Variants in IRAG1 observed in about 807,000 individuals in gnomAD.
IRAG1 encodes the protein IP3R-associated cGMP kinase substrate.
Under a neutral mutation model 106.2 loss-of-function variants are expected in IRAG1, and 62 were observed. That is an observed-to-expected ratio of 0.58 (90% CI 0.48 to 0.72). The LOEUF is 0.72. IRAG1 is among the 30% of genes least tolerant of loss of function. IRAG1 has a pLI of 0.00. For synonymous variants in IRAG1, 462 were observed against 443.9 expected, an observed-to-expected ratio of 1.04 and a Z score of -0.51; for missense variants, 1,064 against 1,140.7, an observed-to-expected ratio of 0.93 and a Z score of 0.97.
At chr11:10,693,454 C>A (rs1487864909) in intron 1 of IRAG1, 82 bp downstream of exon 1, 1 of 1,528,296 alleles carries the variant, frequency 6.5e-7, no homozygotes. Context: ...CATCCCAGCA[C>A]CCTGTACCTT....
In IRAG1 at chr11:10,661,542, G is replaced by A. The variant is rs533184922; in HGVS notation, c.68-9360C>T. 2.6e-5 allele frequency among the ~76,000 whole-genome samples: 4 copies of A among 152,248 alleles called. No homozygotes were observed. The South Asian group carries it at 8.3e-4, about 32-fold the overall frequency. The stretch of plus-strand genomic sequence containing the variant: ...GCTGTGCTTCTTCAGGAGGCTCTAG[G>A]GGAGAATCCATTTCCTGCCATTTCC... On this transcript the variant is annotated intron_variant, in intron 1 of 20. Transcript: ENST00000423302.
At chr11:10,633,077 T>C (rs1191074447) in intron 3 of IRAG1, among the ~76,000 whole-genome samples, 15 of 28,702 alleles carry the variant, frequency 5.2e-4, no homozygotes, top group South Asian at 1.0e-3. Flanking sequence ...CTTTCTTTCT[T>C]TTTTTTTTTT....
intron 2 of IRAG1, among the ~76,000 whole-genome samples, chr11:10,640,007 C>G (rs1031708496): frequency 6.6e-6 from 1 of 152,252 alleles, no homozygotes; most frequent in East Asian, 1.9e-4. Flanking sequence ...GTGAACTGAG[C>G]GGGCCTCTGC....
intron 1 of IRAG1, among the ~76,000 whole-genome samples, chr11:10,680,067 G>A (rs1017998842): frequency 1.3e-5 from 2 of 151,776 alleles, no homozygotes; most frequent in Non-Finnish European, 2.9e-5. Context: ...TGAGGTCAGG[G>A]GTTTGAGACT....
At position 10,593,648 on chromosome 11, in the gene IRAG1, C is replaced by A. The variant is rs759700286; in HGVS notation, c.2068-49G>T. 1.5e-5 allele frequency: 21 copies of A among 1,389,580 alleles called. No homozygotes were observed. The Admixed American group carries it at 1.9e-4, about 13-fold the overall frequency. 86.1% of individuals were successfully genotyped at this position (1,389,580 alleles called of 1,614,324 possible). A position where few individuals can be genotyped will look rare whatever the true frequency, so the allele number is the denominator to read the frequency against. ...CTCACTGTCTTGGAGGTAGCAATAG[C>A]CATAGTTCAGAAGGGCTGGGAAAAA... On this transcript the variant is annotated intron_variant, in intron 16 of 20. Coordinates refer to ENST00000423302, the MANE Select transcript of IRAG1 (RefSeq NM_130385.4).
At chr11:10,638,811 T>G (rs1399939829) in intron 2 of IRAG1, among the ~76,000 whole-genome samples, 1 of 152,234 alleles carries the variant, frequency 6.6e-6, no homozygotes, top group African/African-American at 2.4e-5. Flanking sequence ...AATTCCATGT[T>G]GTATTCTGAA....
In IRAG1 at chr11:10,693,526, G is replaced by A. The variant is rs773986346; in HGVS notation, c.67+10C>T. On this transcript the variant is annotated intron_variant, in intron 1 of 20. Coordinates refer to ENST00000423302, the MANE Select transcript of IRAG1 (RefSeq NM_130385.4). ...GAGGCAGGTTATTCTAGGATATAGG[G>A]GAGGCTTACCTAAAACTGAGTTATT... 178 of 1,535,414 alleles carry A rather than the reference G, an allele frequency of 1.2e-4. No individual in the cohort carries two copies. The highest frequency in any genetic ancestry group is 1.5e-4 in the Non-Finnish European group (173 of 1,146,812).
rs916453837 is a variant in IRAG1, at chr11:10,579,649, T to C, written c.2495+806A>G. On this transcript the variant is annotated intron_variant, in intron 20 of 20. Transcript: ENST00000423302. ...CTCATCTATGGGTGCTAGTTTATCCTATCCCTAAGCGTGAACTTCTAGGGG... is the reference window on the plus strand; with the variant it reads ...CTCATCTATGGGTGCTAGTTTATCCCATCCCTAAGCGTGAACTTCTAGGGG... Among the ~76,000 whole-genome samples, 5 of 152,226 alleles carry C rather than the reference T, an allele frequency of 3.3e-5. No individual in the cohort carries two copies. In the South Asian group the frequency reaches 1.0e-3, roughly 32 times the overall value.
chr11:10,594,089 A>G (rs1256077526), intron 16 of IRAG1, 57 bp downstream of exon 16: 1 of 1,484,912 alleles, frequency 6.7e-7, no homozygotes, highest in Non-Finnish European at 9.2e-7. Context: ...TTGGGTGACC[A>G]TGGAAACTTC....
In IRAG1 at chr11:10,591,666, C is replaced by G. The variant is rs184346917; in HGVS notation, c.2176-54G>C. 1.6e-5 allele frequency: 24 copies of G among 1,473,674 alleles called. No homozygotes were observed. In the African/African-American group the frequency reaches 2.6e-4, roughly 16 times the overall value. 91.3% of individuals were successfully genotyped at this position (1,473,674 alleles called of 1,614,324 possible). A position where few individuals can be genotyped will look rare whatever the true frequency, so the allele number is the denominator to read the frequency against. ...GAGGATGCGCTATGGAAGGAAGAAG[C>G]CAGAGCTGCTGGATTTCTGATGATG... On this transcript the variant is annotated intron_variant, in intron 17 of 20. Coordinates refer to ENST00000423302, the MANE Select transcript of IRAG1 (RefSeq NM_130385.4).
At chr11:10,689,273 T>A (rs1861884526) in intron 1 of IRAG1, among the ~76,000 whole-genome samples, 1 of 152,144 alleles carries the variant, frequency 6.6e-6, no homozygotes, top group African/African-American at 2.4e-5. Flanking sequence ...CCTTTTGAAT[T>A]TGTCCAGGAC....
intron 18 of IRAG1, among the ~76,000 whole-genome samples, chr11:10,589,983 G>A (rs781400220): frequency 6.6e-6 from 1 of 152,194 alleles, no homozygotes; most frequent in African/African-American, 2.4e-5. Flanking sequence ...ATGATTAAGA[G>A]TCTGTTGAAG....
chr11:10,689,196 T>A (rs551329204), intron 1 of IRAG1, among the ~76,000 whole-genome samples: 1 of 99,556 alleles, frequency 1.0e-5, no homozygotes, highest in South Asian at 5.3e-4. Flanking sequence ...CCTGCTCTCA[T>A]TTTTTTAAGA....
In IRAG1 at chr11:10,628,152, C is replaced by T. The variant is rs1856402688; in HGVS notation, c.653-127G>A. The T allele has an allele frequency of 9.8e-7, 1 of 1,020,708 alleles. No homozygotes were observed. The highest frequency in any genetic ancestry group is 1.4e-5 in the South Asian group (1 of 73,148). 63.2% of individuals were successfully genotyped at this position (1,020,708 alleles called of 1,614,324 possible). A position where few individuals can be genotyped will look rare whatever the true frequency, so the allele number is the denominator to read the frequency against. On this transcript the variant is annotated intron_variant, in intron 6 of 20. Transcript: ENST00000423302. The surrounding 1 kb of genome is among the most constrained non-coding windows in gnomAD (Gnocchi z 4.1). ...TCAGGCCTGGAAGATTTGCTGACTACCTCCCGTGTGCCAGGTTCTCAGGTG... is the reference window on the plus strand; with the variant it reads ...TCAGGCCTGGAAGATTTGCTGACTATCTCCCGTGTGCCAGGTTCTCAGGTG...
Position 10,632,012 on chromosome 11 carries a change from T to C in IRAG1, c.379A>G (p.Thr127Ala). 2 of 1,613,842 alleles carry C rather than the reference T, an allele frequency of 1.2e-6. No individual in the cohort carries two copies. Among genetic ancestry groups the C allele is most frequent in the East Asian group, 2.2e-5 (1 of 44,874 alleles). The change falls in exon 4 of 21, where the codon ACT becomes GCT. Residue 127 changes from threonine (T) to alanine (A), a missense_variant. Thr to Ala is a moderately conservative substitution (Grantham distance 58). Coordinates refer to ENST00000423302, the MANE Select transcript of IRAG1 (RefSeq NM_130385.4). ...RLSHRHLKVS[T>A]ASLTSVDPAG... ...TTACCCACAGATGTCAGGGAGGCAG[T>C]GGACACCTTCAAGTGTCGGTGAGAA...
chr11:10,668,070 C>G (rs1426227693), intron 1 of IRAG1, among the ~76,000 whole-genome samples: 5 of 152,216 alleles, frequency 3.3e-5, no homozygotes. Context: ...TATCAAACCT[C>G]AGTGTCACTC....
At chr11:10,688,538 G>T (rs946515474) in intron 1 of IRAG1, among the ~76,000 whole-genome samples, 5 of 152,030 alleles carry the variant, frequency 3.3e-5, no homozygotes. Flanking sequence ...GGCCACTCTG[G>T]GAACCACATC....
At chr11:10,632,171 C>G (rs1198721552) in intron 3 of IRAG1, 110 bp from the exon 4 acceptor site, 9 of 747,928 alleles carry the variant, frequency 1.2e-5, no homozygotes, top group Non-Finnish European at 1.9e-5. Flanking sequence ...TCTTTGTTTC[C>G]TTCTTTCCTT....
chr11:10,589,465 T>TA (rs1852394046), intron 18 of IRAG1, among the ~76,000 whole-genome samples: 1 of 152,168 alleles, frequency 6.6e-6, no homozygotes, highest in Admixed American at 6.5e-5. Flanking sequence ...AGACAGGGTT[T>TA]CACCATCTTG....
Sources: gnomAD v4.1 joint callset for allele counts (sites outside exome capture counted in the v4.1 genomes callset) on GRCh38, gnomAD v4.1.1 for gene constraint, Gnocchi (gnomAD v3.1) non-coding constraint, MANE v1.5 for transcripts, NCBI Gene and HGNC (gene_info 2026-07-23, HGNC 2026-07-21) for gene names.